The following ELF2 variants were observed in gnomAD, a reference collection of about 807,000 sequenced individuals.
The protein encoded by ELF2 is ETS-related transcription factor Elf-2.
ELF2 carries 11 observed loss-of-function variants against 54.8 expected under a neutral mutation model. The observed-to-expected ratio is 0.20, with a 90% CI of 0.13 to 0.33. ELF2 has a LOEUF of 0.33. ELF2 is among the 10% of genes least tolerant of loss of function. The pLI, the probability that ELF2 is intolerant of heterozygous loss-of-function variation, is 1.00. For missense variants in ELF2, 513 were observed against 703.0 expected, an observed-to-expected ratio of 0.73 and a Z score of 3.06; for synonymous variants, 203 against 245.1, an observed-to-expected ratio of 0.83 and a Z score of 1.61.
intron 3 of ELF2, among the ~76,000 whole-genome samples, chr4:139,134,562 A>AT (rs1560850939): frequency 2.1e-5 from 3 of 145,560 alleles, no homozygotes; most frequent in African/African-American, 8.0e-5. Context: ...GTTTTATTTT[A>AT]TGTTATTTTA....
chr4:139,129,695 A>T (rs1737294809), intron 3 of ELF2, among the ~76,000 whole-genome samples: 1 of 152,242 alleles, frequency 6.6e-6, no homozygotes, highest in Non-Finnish European at 1.5e-5. Flanking sequence ...AGCACAGAGT[A>T]AGTTATTCAA....
chr4:139,104,626 T>G (rs1035667460), intron 4 of ELF2, among the ~76,000 whole-genome samples: 2 of 152,162 alleles, frequency 1.3e-5, no homozygotes, highest in African/African-American at 4.8e-5. Context: ...AACCAATTAC[T>G]GCAAACAGGC....
At chr4:139,134,582 ATATTTATTTTATTTTAT>A (rs1737913773) in intron 3 of ELF2, among the ~76,000 whole-genome samples, 1 of 143,728 alleles carries the variant, frequency 7.0e-6, no homozygotes, top group African/African-American at 2.7e-5. Context: ...ATTTTATGTT[ATATTTATTTTATTTTAT>A]TTTATTTTAT....
At chr4:139,167,506 A>G (rs1030575970) in intron 1 of ELF2, among the ~76,000 whole-genome samples, 1 of 152,192 alleles carries the variant, frequency 6.6e-6, no homozygotes, top group African/African-American at 2.4e-5. Flanking sequence ...TCTTATTCTG[A>G]TTGGTAGAAA....
chr4:139,154,346 T>G (rs2148890110), intron 1 of ELF2, among the ~76,000 whole-genome samples: 1 of 152,296 alleles, frequency 6.6e-6, no homozygotes, highest in South Asian at 2.1e-4. Flanking sequence ...ACGTATCTAG[T>G]TCTTTTCATT....
intron 1 of ELF2, among the ~76,000 whole-genome samples, chr4:139,175,234 C>G (rs1361562454): frequency 6.6e-6 from 1 of 152,138 alleles, no homozygotes; most frequent in Non-Finnish European, 1.5e-5. Context: ...TTACTTAGGA[C>G]AGAAAAATCC....
intron 4 of ELF2, among the ~76,000 whole-genome samples, chr4:139,104,720 T>TA (rs897453169): frequency 6.6e-6 from 1 of 152,082 alleles, no homozygotes; most frequent in African/African-American, 2.4e-5. Context: ...GTTACACACA[T>TA]AAAAAATTAA....
At chr4:139,066,526 A>G (rs1463040836) in intron 7 of ELF2, 2 of 152,108 alleles carry the variant, frequency 1.3e-5, no homozygotes, top group Admixed American at 1.3e-4. Flanking sequence ...TACTCCACAA[A>G]TTAGGAAAGC....
intron 1 of ELF2, among the ~76,000 whole-genome samples, chr4:139,171,577 T>C (rs2148918248): frequency 6.7e-6 from 1 of 150,140 alleles, no homozygotes; most frequent in South Asian, 2.1e-4. Flanking sequence ...AAAATCACAA[T>C]GACTCCACTA....
intron 4 of ELF2, chr4:139,100,317 T>C (rs1365650188): frequency 6.6e-6 from 1 of 152,220 alleles, no homozygotes; most frequent in African/African-American, 2.4e-5. Flanking sequence ...TGTTATTGTT[T>C]CTAGATGAAT....
intron 4 of ELF2, among the ~76,000 whole-genome samples, chr4:139,100,010 T>C (rs948940130): frequency 7.9e-5 from 12 of 152,132 alleles, no homozygotes; most frequent in African/African-American, 2.9e-4. Flanking sequence ...GGTCAAGAGT[T>C]TGGATTAATG....
chr4:139,114,634 T>C (rs375753534), intron 4 of ELF2, among the ~76,000 whole-genome samples: 9 of 70,242 alleles, frequency 1.3e-4, no homozygotes, highest in Admixed American at 3.4e-4. Flanking sequence ...TGGATTTTTT[T>C]TTTCTTTCTT....
chr4:139,118,269 A>G (rs1481945910), intron 4 of ELF2, among the ~76,000 whole-genome samples: 2 of 152,214 alleles, frequency 1.3e-5, no homozygotes, highest in South Asian at 2.1e-4. Context: ...ATAATACAAG[A>G]AAGTACCTAT....
At chr4:139,087,876 TGAG>T (rs1732158831) in intron 4 of ELF2, among the ~76,000 whole-genome samples, 1 of 152,224 alleles carries the variant, frequency 6.6e-6, no homozygotes, top group Admixed American at 6.5e-5. Flanking sequence ...TTCAAGGGTT[TGAG>T]TTGTTTATTA....
At chr4:139,157,458 G>C (rs1450009772) in intron 1 of ELF2, among the ~76,000 whole-genome samples, 1 of 151,926 alleles carries the variant, frequency 6.6e-6, no homozygotes, top group Non-Finnish European at 1.5e-5. Context: ...GGAGTGCAGT[G>C]GCATCACATT....
intron 4 of ELF2, among the ~76,000 whole-genome samples, chr4:139,091,421 G>C (rs1383501546): frequency 6.6e-6 from 1 of 151,986 alleles, no homozygotes; most frequent in Non-Finnish European, 1.5e-5. Context: ...GATGGAAAAA[G>C]CAACATAGCA....
chr4:139,177,753 G>T (rs1177220931), upstream of ELF2, among the ~76,000 whole-genome samples: 1 of 151,664 alleles, frequency 6.6e-6, no homozygotes, highest in Non-Finnish European at 1.5e-5. Context: ...CAGGGCCCCC[G>T]CAGGCCCCGC....
At chr4:139,106,127 A>G (rs766139137) in intron 4 of ELF2, among the ~76,000 whole-genome samples, 23 of 152,252 alleles carry the variant, frequency 1.5e-4, no homozygotes, top group Admixed American at 2.0e-4. Flanking sequence ...CAAAGAGGTC[A>G]TTAAAATATT....
chr4:139,077,818 G>A (rs1442292757), intron 4 of ELF2, among the ~76,000 whole-genome samples: 1 of 151,778 alleles, frequency 6.6e-6, no homozygotes, highest in Non-Finnish European at 1.5e-5. Flanking sequence ...CTTAAAACTT[G>A]ACTTACTGGT....
Sources: allele counts gnomAD v4.1 joint callset (sites outside exome capture counted in the v4.1 genomes callset), GRCh38; gene constraint gnomAD v4.1.1; transcripts MANE v1.5; gene names NCBI Gene and HGNC (gene_info 2026-07-23, HGNC 2026-07-21).